Variants in ARHGAP18 observed in about 807,000 individuals in gnomAD.
ARHGAP18 encodes Rho GTPase activating protein 18.
ARHGAP18 carries 67 observed loss-of-function variants against 86.2 expected under a neutral mutation model. The observed-to-expected ratio is 0.78, with a 90% CI of 0.64 to 0.95. The LOEUF (loss-of-function observed/expected upper bound fraction) is 0.95. Among genes scored for constraint, ARHGAP18 ranks in the 40% least tolerant of loss-of-function variants. The probability of loss-of-function intolerance (pLI) is 0.00; values close to 1 mark genes in which losing one functional copy is unlikely to be tolerated. For synonymous variants in ARHGAP18, 283 were observed against 280.4 expected (o/e 1.01, Z -0.09); for missense variants, 691 against 780.4 (o/e 0.89, Z 1.37).
At chr6:129,644,124 C>G (rs914735612) in intron 1 of ARHGAP18, among the ~76,000 whole-genome samples, 2 of 152,182 alleles carry the variant, frequency 1.3e-5, no homozygotes, top group African/African-American at 4.8e-5. Flanking sequence ...CAGGGGCCAA[C>G]AAGCCTAAGT....
chr6:129,672,550 C>T (rs1161137150), intron 1 of ARHGAP18, among the ~76,000 whole-genome samples: 1 of 152,354 alleles, frequency 6.6e-6, no homozygotes, highest in East Asian at 1.9e-4. Context: ...TCTACACAGG[C>T]TTGCAATACT....
At chr6:129,687,736 G>A (rs912567130) in intron 1 of ARHGAP18, among the ~76,000 whole-genome samples, 4 of 152,116 alleles carry the variant, frequency 2.6e-5, no homozygotes, top group African/African-American at 9.7e-5. Context: ...TTCATGACAC[G>A]ACAGAGGAGG....
intron 1 of ARHGAP18, among the ~76,000 whole-genome samples, chr6:129,663,216 C>CAAGAGA (rs1351666210): frequency 7.2e-5 from 11 of 152,172 alleles, no homozygotes; most frequent in Non-Finnish European, 2.9e-5. Context: ...TGAAACGACC[C>CAAGAGA]TAGAGATCAC....
chr6:129,618,678 CA>C lies in ARHGAP18; in HGVS notation c.952+8del, dbSNP rs771110449. On this transcript the variant is annotated splice_region_variant and intron_variant, in intron 6 of 14. Transcript: ENST00000368149. Reference sequence around the variant, plus strand: ...AAATAAATCCAAGGGTTTATCATTTCATGATTACCTTTTGTTTTGATTTTCA... The same window carrying C: ...AAATAAATCCAAGGGTTTATCATTTCTGATTACCTTTTGTTTTGATTTTCA... 6.3e-7 allele frequency: 1 copy of C among 1,596,622 alleles called. No homozygotes were observed. The highest frequency in any genetic ancestry group is 1.7e-5 in the Admixed American group (1 of 58,282).
At chr6:129,693,425 C>T (rs1325993382) in intron 1 of ARHGAP18, among the ~76,000 whole-genome samples, 1 of 152,092 alleles carries the variant, frequency 6.6e-6, no homozygotes, top group Non-Finnish European at 1.5e-5. Flanking sequence ...ATGGAGTTTC[C>T]AGTTTTCAAA....
intron 4 of ARHGAP18, among the ~76,000 whole-genome samples, chr6:129,633,541 T>C (rs1773262916): frequency 6.6e-6 from 1 of 152,048 alleles, no homozygotes; most frequent in African/African-American, 2.4e-5. Flanking sequence ...TTATAATCAA[T>C]TGCCCATAAA....
Position 129,618,681 on chromosome 6 carries a change from G to T in ARHGAP18, c.952+6C>A, listed in dbSNP as rs757382886. 6.3e-7 allele frequency: 1 copy of T among 1,597,484 alleles called. No homozygotes were observed. The highest frequency in any genetic ancestry group is 1.1e-5 in the South Asian group (1 of 87,968). On this transcript the variant is annotated splice_donor_region_variant and intron_variant, in intron 6 of 14. Coordinates refer to ENST00000368149, the MANE Select transcript of ARHGAP18 (RefSeq NM_033515.3). ...TAAATCCAAGGGTTTATCATTTCAT[G>T]ATTACCTTTTGTTTTGATTTTCACA... is the stretch of plus-strand genomic sequence containing the variant.
chr6:129,625,074 A>T (rs1213433625), intron 5 of ARHGAP18, among the ~76,000 whole-genome samples: 11 of 93,580 alleles, frequency 1.2e-4, no homozygotes, highest in Non-Finnish European at 1.9e-4. Flanking sequence ...TTTATATATA[A>T]TATATATGAT....
At chr6:129,670,250 A>G (rs2114527170) in intron 1 of ARHGAP18, among the ~76,000 whole-genome samples, 1 of 152,392 alleles carries the variant, frequency 6.6e-6, no homozygotes, top group African/African-American at 2.4e-5. Context: ...TTTTTAAAAA[A>G]GGAAATAAAC....
chr6:129,611,547 C>T lies in ARHGAP18; in HGVS notation c.1108G>A (p.Ala370Thr), dbSNP rs1788979798. 1.2e-6 allele frequency: 2 copies of T among 1,613,672 alleles called. No homozygotes were observed. The highest frequency in any genetic ancestry group is 1.3e-5 in the African/African-American group (1 of 75,036). Residue 370 changes from alanine to threonine, a missense_variant, in exon 8 of 15, where the codon GCC becomes ACC. Transcript: ENST00000368149. Reference protein sequence around the residue: ...TEGLLRIPGAAIRIKNLCQEL... With the variant: ...TEGLLRIPGATIRIKNLCQEL... ...CCAGAGATTACCTTGATTCTAATGG[C>T]AGCTCCAGGGATCCGTAAGAGGCCT... is the stretch of plus-strand genomic sequence containing the variant.
intron 1 of ARHGAP18, among the ~76,000 whole-genome samples, chr6:129,648,610 T>A (rs1411503326): frequency 6.7e-6 from 1 of 148,548 alleles, no homozygotes; most frequent in African/African-American, 2.5e-5. Flanking sequence ...CATCTCTATT[T>A]AAAAAAAAAA....
Position 129,611,608 on chromosome 6 carries a change from C to A in ARHGAP18, c.1047G>T (p.Leu349=). ...GMRIPLIFQK[L]ISRIEERGLE... ...AACCTCTCTCTTCAATTCGAGAAAT[C>A]AGCTGTGCATAAACAGAGAAACATT... The change falls in exon 8 of 15, where the codon CTG becomes CTT. Residue 349 remains leucine (L), a splice_region_variant and synonymous_variant. Coordinates refer to ENST00000368149, the MANE Select transcript of ARHGAP18 (RefSeq NM_033515.3). 1 of 1,613,270 alleles carries A rather than the reference C, an allele frequency of 6.2e-7. No homozygotes were observed. The highest frequency in any genetic ancestry group is 1.1e-5 in the South Asian group (1 of 91,032).
chr6:129,709,471 GA>G (rs111649416), intron 1 of ARHGAP18, among the ~76,000 whole-genome samples: 17 of 152,016 alleles, frequency 1.1e-4, no homozygotes, highest in Admixed American at 5.9e-4. Flanking sequence ...AAGCCTGGGG[GA>G]AAAAAAATCC....
At chr6:129,600,875 T>A (rs762320716) in intron 10 of ARHGAP18, 27 bp from the exon 11 acceptor site, 1 of 1,574,198 alleles carries the variant, frequency 6.4e-7, no homozygotes, top group Non-Finnish European at 8.7e-7. Flanking sequence ...TCTTTGAGAT[T>A]TGTGTCATAT....
intron 1 of ARHGAP18, among the ~76,000 whole-genome samples, chr6:129,696,240 A>G (rs1774614720): frequency 6.6e-6 from 1 of 152,242 alleles, no homozygotes; most frequent in Non-Finnish European, 1.5e-5. Context: ...GGATGTAAAC[A>G]AACAAGGGCC....
At chr6:129,593,120 G>T (rs952151061) in intron 12 of ARHGAP18, among the ~76,000 whole-genome samples, 3 of 152,018 alleles carry the variant, frequency 2.0e-5, no homozygotes, top group African/African-American at 7.3e-5. Context: ...TGACTCAGTG[G>T]GTCTAGCGAG....
At chr6:129,626,694 C>G (rs1269033161) in intron 5 of ARHGAP18, among the ~76,000 whole-genome samples, 1 of 150,518 alleles carries the variant, frequency 6.6e-6, no homozygotes, top group Non-Finnish European at 1.5e-5. Flanking sequence ...CACACACACA[C>G]ACACAGACAA....
intron 1 of ARHGAP18, among the ~76,000 whole-genome samples, chr6:129,653,037 A>T (rs7453253): frequency 0.079 from 12,086 of 152,242 alleles, 589 homozygotes; most frequent in African/African-American, 0.13. Context: ...AACGAAAGCT[A>T]CATACACACC....
At chr6:129,688,678 G>C (rs1483546114) in intron 1 of ARHGAP18, among the ~76,000 whole-genome samples, 1 of 152,114 alleles carries the variant, frequency 6.6e-6, no homozygotes, top group Admixed American at 6.5e-5. Flanking sequence ...TGTAATCCCA[G>C]CTACTTGGGA....
Sources: allele counts gnomAD v4.1 joint callset (sites outside exome capture counted in the v4.1 genomes callset), GRCh38; gene constraint gnomAD v4.1.1; transcripts MANE v1.5; gene names NCBI Gene and HGNC (gene_info 2026-07-23, HGNC 2026-07-21).